The following EIF2B1 variants were observed in gnomAD, a reference collection of about 807,000 sequenced individuals.
EIF2B1 encodes eukaryotic translation initiation factor 2B subunit alpha, also known as translation initiation factor eIF2B subunit alpha.
Under a neutral mutation model 36.8 loss-of-function variants are expected in EIF2B1, and 30 were observed. The observed-to-expected ratio is 0.81, with a 90% CI of 0.61 to 1.10. The LOEUF is 1.10. Ranked by LOEUF, EIF2B1 falls within the 50% of genes least tolerant of loss-of-function variation. The pLI is 0.00. For missense variants in EIF2B1, 271 were observed against 374.8 expected (o/e 0.72, Z 2.29); for synonymous variants, 139 against 142.2 (o/e 0.98, Z 0.16).
In EIF2B1 at chr12:123,627,112, C is replaced by T. The variant is rs750323816; in HGVS notation, c.414G>A (p.Leu138=). Residue 138 remains leucine, a synonymous_variant, in exon 5 of 9, where the codon CTG becomes CTA. Transcript: ENST00000424014. ...HAYSRVVLRV[L]EAAVAAKKRF... is the part of the protein sequence containing the mutation. ...GCTTCTTGGCCGCCACGGCTGCTTC[C>T]AGGACTCTCAGGACCACTCTGGAGT... The T allele has an allele frequency of 1.2e-6, 2 of 1,614,184 alleles. No individual in the cohort carries two copies. Among genetic ancestry groups the T allele is most frequent in the Non-Finnish European group, 1.7e-6 (2 of 1,180,042 alleles).
At chr12:123,631,001 G>T (rs1359628222) in intron 2 of EIF2B1, among the ~76,000 whole-genome samples, 2 of 152,210 alleles carry the variant, frequency 1.3e-5, no homozygotes, top group Non-Finnish European at 2.9e-5. Context: ...GCTTATACAA[G>T]ATTTCATGCT....
chr12:123,633,241 T>G (rs997398466), intron 1 of EIF2B1, among the ~76,000 whole-genome samples: 4 of 148,954 alleles, frequency 2.7e-5, no homozygotes, highest in Non-Finnish European at 4.4e-5. Context: ...ATAACCATAC[T>G]AGATGAGCAC....
Position 123,621,205 on chromosome 12 carries a change from T to C in EIF2B1, c.*551A>G, listed in dbSNP as rs994305144. On this transcript the variant is annotated 3_prime_UTR_variant, in exon 9 of 9. Transcript: ENST00000424014. ...CCATGCAGAATACTGTTGCTAAACA[T>C]CGTTTCTGCCTTCCTCGTGTTCTCT... The C allele has an allele frequency of 5.2e-6, 1 of 190,780 alleles. No individual in the cohort carries two copies. The highest frequency in any genetic ancestry group is 1.1e-5 in the Non-Finnish European group (1 of 91,106). 11.8% of individuals were successfully genotyped at this position (190,780 alleles called of 1,614,324 possible).
rs1955182901 is a variant in EIF2B1 at position 123,630,998 on chromosome 12, C to T, written c.116-465G>A. 6.6e-6 allele frequency among the ~76,000 whole-genome samples: 1 copy of T among 152,192 alleles called. No homozygotes were observed. Among genetic ancestry groups the T allele is most frequent in the Non-Finnish European group, 1.5e-5 (1 of 68,034 alleles). On this transcript the variant is annotated intron_variant, in intron 2 of 8. Transcript: ENST00000424014. This position sits in a 1 kb window ranked among gnomAD's most constrained non-coding sequence, Gnocchi z 4.6. ...AGGCTGCATTATTATTTTGCTTATA[C>T]AAGATTTCATGCTATACCCAGATGC... is the stretch of plus-strand genomic sequence containing the variant.
At chr12:123,633,458 T>C in intron 1 of EIF2B1, 87 bp downstream of exon 1, 1 of 1,581,974 alleles carries the variant, frequency 6.3e-7, no homozygotes, top group Non-Finnish European at 8.7e-7. Context: ...AGAAATCTCT[T>C]CGGGAGCTCA....
In EIF2B1 at chr12:123,620,629, A is replaced by ATAT. The variant is rs1566211855; in HGVS notation, c.*1126_*1127insATA. The stretch of plus-strand genomic sequence containing the variant: ...ATATATATATATATATATATATATA[A>ATAT]GCTCTTTTTTCTGAGGCTATTTTAT... On this transcript the variant is annotated 3_prime_UTR_variant, in exon 9 of 9. Coordinates refer to ENST00000424014, the MANE Select transcript of EIF2B1 (RefSeq NM_001414.4). 8.2e-5 allele frequency: 5 copies of ATAT among 60,856 alleles called. No individual in the cohort carries two copies. The highest frequency in any genetic ancestry group is 1.4e-4 in the Non-Finnish European group (4 of 29,192). The allele number at this position is 60,856 out of a possible 1,614,324, so 3.8% of individuals were successfully genotyped here.
intron 2 of EIF2B1, among the ~76,000 whole-genome samples, chr12:123,631,285 C>G (rs1955184705): frequency 6.6e-6 from 1 of 152,176 alleles, no homozygotes; most frequent in Non-Finnish European, 1.5e-5. Context: ...ATTGAAAGGT[C>G]TGAAATGAAG....
At chr12:123,632,850 G>A (rs1389742379) in intron 1 of EIF2B1, among the ~76,000 whole-genome samples, 1 of 150,584 alleles carries the variant, frequency 6.6e-6, no homozygotes, top group African/African-American at 2.5e-5. Context: ...GGAGGCTGAG[G>A]CAGGAGAATG....
At chr12:123,622,367 G>T (rs1955109305) in intron 8 of EIF2B1, among the ~76,000 whole-genome samples, 1 of 152,156 alleles carries the variant, frequency 6.6e-6, no homozygotes, top group Non-Finnish European at 1.5e-5. Context: ...TGTGGTGATG[G>T]GAGCTGAGCT....
rs764262014 is a variant in EIF2B1 at position 123,630,218 on chromosome 12, G to A, written c.320C>T (p.Ser107Leu). Residue 107 changes from serine to leucine, a missense_variant, in exon 4 of 9, where the codon TCA becomes TTA. By Grantham distance (145) the Ser-to-Leu change is moderately radical. Transcript: ENST00000424014. This position sits in a 1 kb window ranked among gnomAD's most constrained non-coding sequence, Gnocchi z 4.6. The stretch of plus-strand genomic sequence containing the variant: ...GCACAGATCTGCAATTTTGTTTCTT[G>A]ACAGTGATATTCTCCTGAGAAAAAG... Reference protein sequence around the residue: ...GELFLRRISLSRNKIADLCHT... With the variant: ...GELFLRRISLLRNKIADLCHT... The A allele has an allele frequency of 5.0e-6, 8 of 1,614,040 alleles. No homozygotes were observed. Among genetic ancestry groups the A allele is most frequent in the Non-Finnish European group, 6.8e-6 (8 of 1,180,036 alleles).
intron 1 of EIF2B1, among the ~76,000 whole-genome samples, chr12:123,632,873 GA>G (rs1955209953): frequency 1.3e-5 from 2 of 150,184 alleles, no homozygotes; most frequent in South Asian, 4.2e-4. Context: ...GTGAACCCGG[GA>G]GGCGGAGCTT....
At chr12:123,624,639 G>T (rs1286757728) in intron 7 of EIF2B1, 148 bp downstream of exon 7, 3 of 724,860 alleles carry the variant, frequency 4.1e-6, no homozygotes, top group Non-Finnish European at 5.0e-6. Flanking sequence ...TATGACTTAC[G>T]GGAAATGGGC....
At chr12:123,627,904 A>G (rs1955160497) in intron 4 of EIF2B1, among the ~76,000 whole-genome samples, 1 of 152,208 alleles carries the variant, frequency 6.6e-6, no homozygotes. Context: ...AGCTGGCGTC[A>G]TGTGGCCCCA....
chr12:123,622,465 G>C (rs917581174), intron 8 of EIF2B1, among the ~76,000 whole-genome samples, 171 bp downstream of exon 8: 2 of 152,208 alleles, frequency 1.3e-5, no homozygotes, highest in African/African-American at 4.8e-5. Flanking sequence ...CTGAAAGACT[G>C]AAGTTCTAGG....
rs1555284663 is a variant in EIF2B1, at chr12:123,620,619, T to TATATAA, written c.*1136_*1137insTTATAT. On this transcript the variant is annotated 3_prime_UTR_variant, in exon 9 of 9. Coordinates refer to ENST00000424014, the MANE Select transcript of EIF2B1 (RefSeq NM_001414.4). ...ATATATATATATATATATATATATATATATATATAAGCTCTTTTTTCTGAG... is the reference window on the plus strand; with the variant it reads ...ATATATATATATATATATATATATATATATAAATATATATAAGCTCTTTTTTCTGAG... 89 of 120,546 alleles carry TATATAA rather than the reference T, an allele frequency of 7.4e-4. 1 individual carries two copies. Among genetic ancestry groups the TATATAA allele is most frequent in the African/African-American group, 2.9e-3 (80 of 27,298 alleles). 7.5% of individuals were successfully genotyped at this position (120,546 alleles called of 1,614,324 possible).
intron 7 of EIF2B1, 32 bp from the exon 8 acceptor site, chr12:123,622,793 C>T: frequency 1.2e-6 from 2 of 1,612,380 alleles, no homozygotes; most frequent in Non-Finnish European, 8.5e-7. Context: ...TGGATGAGCT[C>T]TAGAGTGCAT....
In EIF2B1 at chr12:123,633,639, A is replaced by C. The variant is rs1175144779; in HGVS notation, c.-82T>G. The C allele has an allele frequency of 6.3e-7, 1 of 1,592,160 alleles. No individual in the cohort carries two copies. On this transcript the variant is annotated 5_prime_UTR_variant, in exon 1 of 9. Coordinates refer to ENST00000424014, the MANE Select transcript of EIF2B1 (RefSeq NM_001414.4). ...GGGTCCGCCGGCCGCGCCGCCTGCG[A>C]GCCAGTCTGACAGCGCGCTGCACAC... is the stretch of plus-strand genomic sequence containing the variant.
At chr12:123,621,954 A>G (rs1025293161) in intron 8 of EIF2B1, 34 bp from the exon 9 acceptor site, 25 of 1,612,010 alleles carry the variant, frequency 1.6e-5, no homozygotes, top group Non-Finnish European at 2.1e-5. Flanking sequence ...TCGGCACTGA[A>G]TATTTAGTGC....
rs1593782255 is a variant in EIF2B1 at position 123,630,103 on chromosome 12, T to A, written c.369+66A>T. The A allele has an allele frequency of 6.3e-6, 9 of 1,438,080 alleles. No individual in the cohort carries two copies. The East Asian group carries it at 1.6e-4, about 25-fold the overall frequency. The allele number at this position is 1,438,080 out of a possible 1,614,324, so 89.1% of individuals were successfully genotyped here. ...AGCAAGTGAGTGGCAGAGCCCGGATTTTACCCCAGGCAGTCGGACTCGAAA... is the reference window on the plus strand; with the variant it reads ...AGCAAGTGAGTGGCAGAGCCCGGATATTACCCCAGGCAGTCGGACTCGAAA... On this transcript the variant is annotated intron_variant, in intron 4 of 8. Transcript: ENST00000424014. The surrounding 1 kb of genome is among the most constrained non-coding windows in gnomAD (Gnocchi z 4.6).
Sources: allele counts gnomAD v4.1 joint callset (sites outside exome capture counted in the v4.1 genomes callset), GRCh38; gene constraint gnomAD v4.1.1; non-coding constraint Gnocchi (gnomAD v3.1); transcripts MANE v1.5; gene names NCBI Gene and HGNC (gene_info 2026-07-23, HGNC 2026-07-21).